The following TRPM6 variants were observed in gnomAD, a reference collection of about 807,000 sequenced individuals.
TRPM6 encodes the protein channel kinase 2.
TRPM6 carries 111 observed loss-of-function variants against 247.6 expected under a neutral mutation model. The ratio of observed to expected loss-of-function variants is 0.45; its 90% confidence interval spans 0.38 to 0.52. The LOEUF is 0.52. Among genes scored for constraint, TRPM6 ranks in the 20% least tolerant of loss-of-function variants. The pLI is 0.00. For missense variants in TRPM6, 2,126 were observed against 2,421.5 expected (o/e 0.88, Z 2.56); for synonymous variants, 892 against 853.8 (o/e 1.04, Z -0.78).
In TRPM6 at chr9:74,874,720, G is replaced by A. The variant is rs113191205; in HGVS notation, c.33+13104C>T. ...AGTTTTTCTTTTTCTTTTTTTTTAAGAATGTGTCACTCAAATGCTCATAAC... is the reference window on the plus strand; with the variant it reads ...AGTTTTTCTTTTTCTTTTTTTTTAAAAATGTGTCACTCAAATGCTCATAAC... On this transcript the variant is annotated intron_variant, in intron 1 of 38. Coordinates refer to ENST00000360774, the MANE Select transcript of TRPM6 (RefSeq NM_017662.5). 1.6e-3 allele frequency among the ~76,000 whole-genome samples: 240 copies of A among 151,312 alleles called. 1 individual carries two copies. Among genetic ancestry groups the A allele is most frequent in the Middle Eastern group, 3.4e-3 (1 of 292 alleles).
At chr9:74,817,900 A>C (rs1440927597) in intron 9 of TRPM6, among the ~76,000 whole-genome samples, 5 of 152,228 alleles carry the variant, frequency 3.3e-5, no homozygotes, top group Admixed American at 3.3e-4. Context: ...AAATATCTTG[A>C]GGCTGCTGCT....
chr9:74,816,851 G>A (rs374517829), intron 10 of TRPM6, 41 bp downstream of exon 10: 4 of 1,609,462 alleles, frequency 2.5e-6, no homozygotes, highest in Non-Finnish European at 2.6e-6. Context: ...AACATGAGAA[G>A]CGTAAATGAG....
intron 25 of TRPM6, among the ~76,000 whole-genome samples, chr9:74,765,532 A>T (rs776343217): frequency 6.6e-6 from 1 of 152,176 alleles, no homozygotes; most frequent in African/African-American, 2.4e-5. Flanking sequence ...CAGTTTCTCA[A>T]TAATGAAAAT....
intron 3 of TRPM6, among the ~76,000 whole-genome samples, chr9:74,853,619 C>T (rs1038867609): frequency 1.3e-5 from 2 of 152,178 alleles, no homozygotes; most frequent in Middle Eastern, 3.4e-3. Context: ...GGATTAAGGG[C>T]GGTGCAAGAT....
At chr9:74,747,241 G>T (rs1734803129) in intron 31 of TRPM6, among the ~76,000 whole-genome samples, 1 of 152,168 alleles carries the variant, frequency 6.6e-6, no homozygotes, top group Non-Finnish European at 1.5e-5. Flanking sequence ...TCAAGAAAAA[G>T]ACTATTTGTT....
Position 74,816,885 on chromosome 9 carries a change from T to C in TRPM6, c.1207+7A>G. 1.9e-6 allele frequency: 3 copies of C among 1,614,020 alleles called. No individual in the cohort carries two copies. The highest frequency in any genetic ancestry group is 2.5e-6 in the Non-Finnish European group (3 of 1,179,880). ...AGGAACAATTGCAACCCCATCCAGATACTCACCCTTCAGCAAAGCTGTTAG... is the reference window on the plus strand; with the variant it reads ...AGGAACAATTGCAACCCCATCCAGACACTCACCCTTCAGCAAAGCTGTTAG... On this transcript the variant is annotated splice_region_variant and intron_variant, in intron 10 of 38. Coordinates refer to ENST00000360774, the MANE Select transcript of TRPM6 (RefSeq NM_017662.5).
intron 5 of TRPM6, among the ~76,000 whole-genome samples, chr9:74,835,560 G>A (rs1387143750): frequency 1.3e-5 from 2 of 152,054 alleles, no homozygotes; most frequent in Non-Finnish European, 2.9e-5. Context: ...AATTAGTACA[G>A]TAGCCAACAC....
At chr9:74,828,637 T>C (rs1343694810) in intron 6 of TRPM6, among the ~76,000 whole-genome samples, 1 of 151,252 alleles carries the variant, frequency 6.6e-6, no homozygotes, top group African/African-American at 2.4e-5. Flanking sequence ...CTTTCTTTTT[T>C]TTTTTTTTTG....
chr9:74,858,557 C>T lies in TRPM6; in HGVS notation c.113+112G>A, dbSNP rs574359468. 91 of 640,368 alleles carry T rather than the reference C, an allele frequency of 1.4e-4. No individual in the cohort carries two copies. The African/African-American group carries it at 1.5e-3, about 11-fold the overall frequency. The allele number at this position is 640,368 out of a possible 1,614,324, so 39.7% of individuals were successfully genotyped here. ...GTGAAAGAAATAAACATTGAAAATT[C>T]TAACTTTATAGATATGATCAAAACT... On this transcript the variant is annotated intron_variant, in intron 2 of 38. Coordinates refer to ENST00000360774, the MANE Select transcript of TRPM6 (RefSeq NM_017662.5).
Position 74,724,532 on chromosome 9 carries a change from A to C in TRPM6, c.*81T>G. On this transcript the variant is annotated 3_prime_UTR_variant, in exon 39 of 39. Coordinates refer to ENST00000360774, the MANE Select transcript of TRPM6 (RefSeq NM_017662.5). ...GTCCCAAGGAGACGCTGATGTAATCAACATCACGTTGATCAATCTATGTTA... is the reference window on the plus strand; with the variant it reads ...GTCCCAAGGAGACGCTGATGTAATCCACATCACGTTGATCAATCTATGTTA... The C allele has an allele frequency of 6.3e-7, 1 of 1,594,678 alleles. No homozygotes were observed. The highest frequency in any genetic ancestry group is 1.1e-5 in the South Asian group (1 of 90,572).
chr9:74,851,486 G>T (rs989005349), intron 3 of TRPM6, among the ~76,000 whole-genome samples: 1 of 151,984 alleles, frequency 6.6e-6, no homozygotes, highest in East Asian at 1.9e-4. Flanking sequence ...AGTGGTTCAC[G>T]CCTGTAATCC....
intron 1 of TRPM6, among the ~76,000 whole-genome samples, chr9:74,874,501 T>G (rs982135488): frequency 2.6e-5 from 4 of 152,186 alleles, no homozygotes; most frequent in Admixed American, 2.0e-4. Flanking sequence ...ATAATGCCTT[T>G]CTTTAAGTCA....
Position 74,833,964 on chromosome 9 carries a change from G to A in TRPM6, c.669+34C>T, listed in dbSNP as rs184468449. 1.0e-3 allele frequency: 1,626 copies of A among 1,612,508 alleles called. 33 individuals carry two copies. In the Admixed American group the frequency reaches 0.024, roughly 24 times the overall value. The stretch of plus-strand genomic sequence containing the variant: ...AAGCTGGCAATTTGCACACGTGTTC[G>A]TTTGCTTTTGTTATGAAAGGATTGT... On this transcript the variant is annotated intron_variant, in intron 6 of 38. Transcript: ENST00000360774.
intron 27 of TRPM6, among the ~76,000 whole-genome samples, chr9:74,759,721 A>G (rs970139359): frequency 2.6e-5 from 4 of 152,146 alleles, no homozygotes; most frequent in African/African-American, 9.7e-5. Flanking sequence ...CTTGGCAAAA[A>G]TATTTTAAAT....
Position 74,782,370 on chromosome 9 carries a change from A to G in TRPM6, c.3201T>C (p.Ala1067=). The G allele has an allele frequency of 1.9e-6, 3 of 1,611,514 alleles. No homozygotes were observed. Among genetic ancestry groups the G allele is most frequent in the Non-Finnish European group, 2.5e-6 (3 of 1,177,692 alleles). ...QYIIMVNLLI[A]FFNNVYLDME... ...TAATTGAAATAACCTACTTGAAGAAAGCAATCAACAGGTTCACCATGATGA... is the reference window on the plus strand; with the variant it reads ...TAATTGAAATAACCTACTTGAAGAAGGCAATCAACAGGTTCACCATGATGA... The change falls in exon 23 of 39, where the codon GCT becomes GCC. Residue 1067 remains alanine, a synonymous_variant. Transcript: ENST00000360774.
intron 6 of TRPM6, among the ~76,000 whole-genome samples, chr9:74,828,678 G>C (rs1374972340): frequency 6.7e-6 from 1 of 149,240 alleles, no homozygotes; most frequent in Non-Finnish European, 1.5e-5. Flanking sequence ...GCCCAGGCTG[G>C]AGTGCAGTGG....
intron 19 of TRPM6, among the ~76,000 whole-genome samples, chr9:74,791,820 A>T (rs1165909048): frequency 1.3e-5 from 2 of 152,092 alleles, no homozygotes; most frequent in African/African-American, 4.8e-5. Context: ...TAGCGGCGCA[A>T]TCTCGGCTCA....
At chr9:74,801,623 G>C (rs576312555) in intron 16 of TRPM6, among the ~76,000 whole-genome samples, 63 of 152,228 alleles carry the variant, frequency 4.1e-4, no homozygotes, top group African/African-American at 1.5e-3. Context: ...ACATTTCATA[G>C]TTAGGAAACT....
intron 7 of TRPM6, 44 bp downstream of exon 7, chr9:74,827,734 A>G (rs376435983): frequency 1.1e-5 from 17 of 1,603,850 alleles, no homozygotes; most frequent in Non-Finnish European, 1.5e-5. Context: ...AGACCTCAGC[A>G]GGCCTGCAAC....
Sources: gnomAD v4.1 joint callset for allele counts (sites outside exome capture counted in the v4.1 genomes callset) on GRCh38, gnomAD v4.1.1 for gene constraint, MANE v1.5 for transcripts, NCBI Gene and HGNC (gene_info 2026-07-23, HGNC 2026-07-21) for gene names.